The following CPVL variants were observed in gnomAD, a reference collection of about 807,000 sequenced individuals.
CPVL encodes probable serine carboxypeptidase CPVL.
In CPVL, 51 loss-of-function variants were observed where a neutral mutation model predicts 63.7. The observed-to-expected ratio is 0.80, with a 90% CI of 0.64 to 1.01. The LOEUF (loss-of-function observed/expected upper bound fraction) is 1.01, where lower values mean the gene tolerates loss of function less well. CPVL is among the 50% of genes least tolerant of loss of function. The pLI is 0.00. For missense variants in CPVL, 530 were observed against 573.1 expected (o/e 0.92, Z 0.77); for synonymous variants, 195 against 206.0 (o/e 0.95, Z 0.46).
At chr7:29,101,002 A>C (rs1787058554) in intron 3 of CPVL, among the ~76,000 whole-genome samples, 1 of 152,226 alleles carries the variant, frequency 6.6e-6, no homozygotes, top group Admixed American at 6.5e-5. Context: ...AAATGTCATG[A>C]TATGCAGTAT....
intron 11 of CPVL, among the ~76,000 whole-genome samples, chr7:29,055,519 G>A (rs1790643694): frequency 6.7e-6 from 1 of 149,960 alleles, no homozygotes; most frequent in Non-Finnish European, 1.5e-5. Flanking sequence ...CCAAAGCACT[G>A]AGATTACAGG....
chr7:29,002,289 G>C (rs531489089), intron 12 of CPVL, among the ~76,000 whole-genome samples: 2 of 152,258 alleles, frequency 1.3e-5, no homozygotes, highest in Admixed American at 1.3e-4. Context: ...TCAGATCCGT[G>C]AAAGACAATG....
At chr7:29,136,886 A>C (rs1168096765) in intron 1 of CPVL, among the ~76,000 whole-genome samples, 1 of 152,062 alleles carries the variant, frequency 6.6e-6, no homozygotes, top group Non-Finnish European at 1.5e-5. Flanking sequence ...TTATTTATCC[A>C]TTTTTCTCTG....
chr7:29,091,163 T>A (rs1313103560), intron 6 of CPVL, among the ~76,000 whole-genome samples: 1 of 152,186 alleles, frequency 6.6e-6, no homozygotes, highest in Non-Finnish European at 1.5e-5. Context: ...TTGAAATAGG[T>A]TCCCTTTACA....
intron 12 of CPVL, among the ~76,000 whole-genome samples, chr7:29,003,153 T>TGCACAC (rs1784826260): frequency 1.1e-5 from 1 of 93,896 alleles, no homozygotes; most frequent in African/African-American, 4.9e-5. Flanking sequence ...TATGTGTATG[T>TGCACAC]GCACACACAC....
At chr7:29,086,435 C>A (rs1325406912) in intron 7 of CPVL, 49 bp downstream of exon 7, 1 of 1,268,378 alleles carries the variant, frequency 7.9e-7, no homozygotes, top group Admixed American at 1.7e-5. Context: ...TAATATATGT[C>A]AGTTCTGGTG....
chr7:29,177,123 G>A (rs1421353330), intron 5 of CPVL, among the ~76,000 whole-genome samples: 1 of 152,142 alleles, frequency 6.6e-6, no homozygotes, highest in East Asian at 1.9e-4. Flanking sequence ...CTAGCACAGA[G>A]ACACTAAAAA....
At chr7:29,151,757 T>A (rs757727058) in intron 5 of CPVL, among the ~76,000 whole-genome samples, 10 of 152,220 alleles carry the variant, frequency 6.6e-5, no homozygotes, top group Non-Finnish European at 1.3e-4. Context: ...ACCTTTGCTG[T>A]GTTAATTAAC....
chr7:29,083,658 C>G (rs1464719281), intron 7 of CPVL, among the ~76,000 whole-genome samples: 1 of 152,206 alleles, frequency 6.6e-6, no homozygotes, highest in Non-Finnish European at 1.5e-5. Flanking sequence ...GAAAGAATGA[C>G]AGGCAGAATC....
intron 3 of CPVL, among the ~76,000 whole-genome samples, chr7:29,103,388 G>T (rs1047582282): frequency 6.0e-5 from 9 of 149,274 alleles, no homozygotes; most frequent in Admixed American, 3.4e-4. Flanking sequence ...TGGGATTAGA[G>T]GTGTGCACCA....
At chr7:29,138,133 G>T (rs373223903) in intron 1 of CPVL, among the ~76,000 whole-genome samples, 1 of 152,146 alleles carries the variant, frequency 6.6e-6, no homozygotes, top group Non-Finnish European at 1.5e-5. Flanking sequence ...GGAGAGGGCA[G>T]ACTTAAAAAT....
In CPVL at chr7:28,995,684, T is replaced by G. The variant is rs943484194; in HGVS notation, c.*88A>C. On this transcript the variant is annotated 3_prime_UTR_variant, in exon 13 of 13. Transcript: ENST00000265394. ...AAAAAATCTTGCAGATATGAAAAGATAATTTTTTTATTCCTATGACATTTT... is the reference window on the plus strand; with the variant it reads ...AAAAAATCTTGCAGATATGAAAAGAGAATTTTTTTATTCCTATGACATTTT... The G allele has an allele frequency of 7.6e-6, 6 of 793,718 alleles. No homozygotes were observed. The highest frequency in any genetic ancestry group is 1.8e-5 in the African/African-American group (1 of 55,484). 49.2% of individuals were successfully genotyped at this position (793,718 alleles called of 1,614,324 possible). A position where few individuals can be genotyped will look rare whatever the true frequency, so the allele number is the denominator to read the frequency against.
At chr7:29,038,011 T>C (rs1788722012) in intron 11 of CPVL, among the ~76,000 whole-genome samples, 1 of 152,240 alleles carries the variant, frequency 6.6e-6, no homozygotes, top group African/African-American at 2.4e-5. Flanking sequence ...AATGTTTTTA[T>C]TGCTCTTTAT....
At chr7:29,164,087 C>G (rs542214215) in intron 5 of CPVL, among the ~76,000 whole-genome samples, 1 of 152,280 alleles carries the variant, frequency 6.6e-6, no homozygotes, top group South Asian at 2.1e-4. Context: ...TAAAATTGTT[C>G]TCAAAAGTGT....
chr7:29,126,304 A>C (rs1790016867), intron 1 of CPVL: 1 of 152,196 alleles, frequency 6.6e-6, no homozygotes, highest in Non-Finnish European at 1.5e-5. Context: ...AGCAAACACC[A>C]GAAATCAGGC....
intron 9 of CPVL, among the ~76,000 whole-genome samples, chr7:29,066,840 T>C (rs910183649): frequency 6.6e-6 from 1 of 152,200 alleles, no homozygotes. Flanking sequence ...CATTGTCAGC[T>C]GTGTGGAGAC....
intron 2 of CPVL, among the ~76,000 whole-genome samples, chr7:29,113,215 C>T (rs1374306660): frequency 6.6e-6 from 1 of 151,904 alleles, no homozygotes; most frequent in Non-Finnish European, 1.5e-5. Flanking sequence ...CAGTGGGGTG[C>T]AAGAGTAACA....
chr7:29,027,426 G>GAATGTCCCCT (rs1226852864), intron 12 of CPVL, among the ~76,000 whole-genome samples: 1 of 152,154 alleles, frequency 6.6e-6, no homozygotes, highest in African/African-American at 2.4e-5. Flanking sequence ...AACAAGACAA[G>GAATGTCCCCT]AATGTCCCCT....
intron 6 of CPVL, among the ~76,000 whole-genome samples, chr7:29,091,786 C>A (rs998758418): frequency 1.3e-5 from 2 of 152,210 alleles, no homozygotes; most frequent in Non-Finnish European, 2.9e-5. Context: ...CCCCCGGCCA[C>A]CTATCTGCCT....
Sources: allele counts gnomAD v4.1 joint callset (sites outside exome capture counted in the v4.1 genomes callset), GRCh38; gene constraint gnomAD v4.1.1; transcripts MANE v1.5; gene names NCBI Gene and HGNC (gene_info 2026-07-23, HGNC 2026-07-21).